The following LPXN variants were observed in gnomAD, a reference collection of about 807,000 sequenced individuals.
LPXN encodes the protein leupaxin.
LPXN carries 28 observed loss-of-function variants against 45.6 expected under a neutral mutation model. The observed-to-expected ratio is 0.61, with a 90% CI of 0.45 to 0.84. The LOEUF (loss-of-function observed/expected upper bound fraction) is 0.84. Among genes scored for constraint, LPXN ranks in the 40% least tolerant of loss-of-function variants. LPXN has a pLI of 0.00. For synonymous variants in LPXN, 166 were observed against 169.9 expected (o/e 0.98, Z 0.18); for missense variants, 459 against 475.0 (o/e 0.97, Z 0.31).
At position 58,527,353 on chromosome 11, in the gene LPXN, G is replaced by C; in HGVS notation, c.*101C>G. The C allele has an allele frequency of 8.3e-7, 1 of 1,203,990 alleles. No homozygotes were observed. Among genetic ancestry groups the C allele is most frequent in the Middle Eastern group, 2.0e-4 (1 of 5,054 alleles). 74.6% of individuals were successfully genotyped at this position (1,203,990 alleles called of 1,614,324 possible). On this transcript the variant is annotated 3_prime_UTR_variant, in exon 9 of 9. Coordinates refer to ENST00000395074, the MANE Select transcript of LPXN (RefSeq NM_004811.3). ...CTCATCACCTTTCCTTTTTCTATAAGACTATTAAGCAGAAGGTCAGTAACA... is the reference window on the plus strand; with the variant it reads ...CTCATCACCTTTCCTTTTTCTATAACACTATTAAGCAGAAGGTCAGTAACA...
At chr11:58,572,503 C>G (rs1012663036) in intron 1 of LPXN, among the ~76,000 whole-genome samples, 8 of 151,972 alleles carry the variant, frequency 5.3e-5, no homozygotes, top group Non-Finnish European at 8.8e-5. Context: ...TTATTTGGAT[C>G]ATTAAATCTA....
At chr11:58,550,663 CAATT>C (rs1189498470) in intron 5 of LPXN, among the ~76,000 whole-genome samples, 4 of 152,120 alleles carry the variant, frequency 2.6e-5, no homozygotes, top group African/African-American at 9.7e-5. Flanking sequence ...TGTAATCAAT[CAATT>C]TAGACTGGGA....
Position 58,550,001 on chromosome 11 carries a change from C to A in LPXN, c.632G>T (p.Cys211Phe). 1.9e-6 allele frequency: 3 copies of A among 1,614,186 alleles called. No individual in the cohort carries two copies. Among genetic ancestry groups the A allele is most frequent in the Non-Finnish European group, 2.5e-6 (3 of 1,180,042 alleles). The part of the protein sequence containing the change: ...NDYHQLFSPR[C>F]AYCAAPILDK... ...CAGGATGGGAGCAGCGCAGTAAGCA[C>A]AGCGTGGAGAAAAAAGTTGGTGGTA... The change falls in exon 6 of 9, where the codon TGT (cysteine) becomes TTT (phenylalanine). Residue 211 changes from cysteine (C) to phenylalanine (F), a missense_variant. By Grantham distance (205) the Cys-to-Phe change is radical. Coordinates refer to ENST00000395074, the MANE Select transcript of LPXN (RefSeq NM_004811.3).
At chr11:58,570,774 C>T in intron 1 of LPXN, 61 bp from the exon 2 acceptor site, 1 of 1,307,404 alleles carries the variant, frequency 7.6e-7, no homozygotes. Flanking sequence ...CAGTCATTTT[C>T]TCCTTAAATA....
In LPXN at chr11:58,550,032, T is replaced by A. The variant is rs889188420; in HGVS notation, c.601A>T (p.Asn201Tyr). Residue 201 changes from asparagine (N) to tyrosine (Y), a missense_variant, in exon 6 of 9, where the codon AAC becomes TAC. By Grantham distance (143) the Asn-to-Tyr change is moderately radical. Coordinates refer to ENST00000395074, the MANE Select transcript of LPXN (RefSeq NM_004811.3). The part of the protein sequence containing the change: ...FERSGLAYCP[N>Y]DYHQLFSPRC... Reference sequence around the variant, plus strand: ...GGAGAAAAAAGTTGGTGGTAGTCGTTGGGGCAGTAGGCCAAGCCACTCCGC... The same window carrying A: ...GGAGAAAAAAGTTGGTGGTAGTCGTAGGGGCAGTAGGCCAAGCCACTCCGC... 1 of 1,614,000 alleles carries A rather than the reference T, an allele frequency of 6.2e-7. No individual in the cohort carries two copies. The highest frequency in any genetic ancestry group is 8.5e-7 in the Non-Finnish European group (1 of 1,180,032).
At chr11:58,548,431 G>A (rs1168992685) in intron 7 of LPXN, among the ~76,000 whole-genome samples, 9 of 151,722 alleles carry the variant, frequency 5.9e-5, no homozygotes, top group Admixed American at 5.2e-4. Flanking sequence ...AAAGTCTCCT[G>A]GAGGGATATC....
At chr11:58,543,935 C>G (rs1341043964) in intron 7 of LPXN, among the ~76,000 whole-genome samples, 1 of 152,128 alleles carries the variant, frequency 6.6e-6, no homozygotes, top group Non-Finnish European at 1.5e-5. Flanking sequence ...TGTTGGGAAC[C>G]AAACCATATA....
At chr11:58,557,276 T>C (rs1459565131) in intron 3 of LPXN, among the ~76,000 whole-genome samples, 1 of 152,070 alleles carries the variant, frequency 6.6e-6, no homozygotes, top group African/African-American at 2.4e-5. Context: ...CAATTCACAA[T>C]AGCCAAGAGG....
chr11:58,551,454 T>C (rs1463879970), intron 4 of LPXN, among the ~76,000 whole-genome samples: 1 of 152,238 alleles, frequency 6.6e-6, no homozygotes, highest in Non-Finnish European at 1.5e-5. Context: ...ACTAATTTTA[T>C]ATTTGTAAAT....
Position 58,550,149 on chromosome 11 carries a change from G to C in LPXN, c.487-3C>G. 6.2e-7 allele frequency: 1 copy of C among 1,610,600 alleles called. No individual in the cohort carries two copies. Among genetic ancestry groups the C allele is most frequent in the South Asian group, 1.1e-5 (1 of 91,064 alleles). ...GATTGCCCTAGAGCATGGATCACCTGTGGAGTGAAATAAAGCCTGACACAG... is the reference window on the plus strand; with the variant it reads ...GATTGCCCTAGAGCATGGATCACCTCTGGAGTGAAATAAAGCCTGACACAG... On this transcript the variant is annotated splice_polypyrimidine_tract_variant and splice_region_variant and intron_variant, in intron 5 of 8. Transcript: ENST00000395074.
At chr11:58,530,141 G>GT (rs2120177121) in intron 7 of LPXN, among the ~76,000 whole-genome samples, 1 of 152,298 alleles carries the variant, frequency 6.6e-6, no homozygotes, top group East Asian at 1.9e-4. Context: ...AGCTTTAGAA[G>GT]TTTTTTTGTT....
chr11:58,531,985 G>A (rs1007325255), intron 7 of LPXN, among the ~76,000 whole-genome samples: 1 of 152,252 alleles, frequency 6.6e-6, no homozygotes, highest in Non-Finnish European at 1.5e-5. Flanking sequence ...TGCATGCGGT[G>A]CTCGTGGGCC....
At chr11:58,576,820 G>A (rs1180546380), upstream of LPXN, among the ~76,000 whole-genome samples, 2 of 152,256 alleles carry the variant, frequency 1.3e-5, no homozygotes, top group East Asian at 3.9e-4. Context: ...ACCCAGGCTG[G>A]CGTGCAAAGG....
At chr11:58,543,147 G>A (rs914944977) in intron 7 of LPXN, among the ~76,000 whole-genome samples, 7 of 152,230 alleles carry the variant, frequency 4.6e-5, no homozygotes, top group Admixed American at 1.3e-4. Context: ...TAGTTGGCTA[G>A]TTTGATTACT....
intron 1 of LPXN, 69 bp downstream of exon 1, chr11:58,575,691 C>T (rs1854864190): frequency 6.4e-7 from 1 of 1,555,928 alleles, no homozygotes; most frequent in Non-Finnish European, 8.9e-7. Context: ...AGAAGTATAC[C>T]CCACCACACA....
At chr11:58,567,863 G>C (rs1332492059) in intron 2 of LPXN, among the ~76,000 whole-genome samples, 1 of 152,068 alleles carries the variant, frequency 6.6e-6, no homozygotes, top group Non-Finnish European at 1.5e-5. Flanking sequence ...AATTCAAAAG[G>C]CATTACCATA....
rs527556440 is a variant in LPXN at position 58,561,752 on chromosome 11, C to T, written c.218+2403G>A. Among the ~76,000 whole-genome samples, 9 of 152,288 alleles carry T rather than the reference C, an allele frequency of 5.9e-5. No homozygotes were observed. In the South Asian group the frequency reaches 1.4e-3, roughly 25 times the overall value. ...CAAATTTGTGCTTATTCAAAGAATTCCCACTGGTTTTTAACTAGAGTCCTA... is the reference window on the plus strand; with the variant it reads ...CAAATTTGTGCTTATTCAAAGAATTTCCACTGGTTTTTAACTAGAGTCCTA... On this transcript the variant is annotated intron_variant, in intron 3 of 8. Transcript: ENST00000395074.
intron 4 of LPXN, 114 bp downstream of exon 4, chr11:58,554,727 A>C: frequency 1.5e-6 from 1 of 678,740 alleles, no homozygotes; most frequent in Non-Finnish European, 2.4e-6. Flanking sequence ...GAAAATTCCT[A>C]AGTGGGAGAA....
chr11:58,554,573 T>G (rs934376684), intron 4 of LPXN, among the ~76,000 whole-genome samples: 8 of 152,232 alleles, frequency 5.3e-5, no homozygotes, highest in Admixed American at 5.2e-4. Flanking sequence ...AAGAAACTTA[T>G]GCCTCATTTT....
Sources: allele counts gnomAD v4.1 joint callset (sites outside exome capture counted in the v4.1 genomes callset), GRCh38; gene constraint gnomAD v4.1.1; transcripts MANE v1.5; gene names NCBI Gene and HGNC (gene_info 2026-07-23, HGNC 2026-07-21).